DAGLB: variants seen among roughly 807,000 people sequenced by gnomAD.
The protein encoded by DAGLB is diacylglycerol lipase-beta.
DAGLB carries 66 observed loss-of-function variants against 72.1 expected under a neutral mutation model. That is an observed-to-expected ratio of 0.92 (90% CI 0.75 to 1.12). The LOEUF (loss-of-function observed/expected upper bound fraction) is 1.12, where lower values mean the gene tolerates loss of function less well. Among genes scored for constraint, DAGLB ranks in the 50% most tolerant of loss-of-function variants. The pLI, the probability that DAGLB is intolerant of heterozygous loss-of-function variation, is 0.00. For synonymous variants in DAGLB, 414 were observed against 359.5 expected (o/e 1.15, Z -1.71); for missense variants, 1,065 against 884.9 (o/e 1.20, Z -2.58).
At chr7:6,426,350 A>G (rs1784309536) in intron 6 of DAGLB, among the ~76,000 whole-genome samples, 1 of 152,048 alleles carries the variant, frequency 6.6e-6, no homozygotes, top group South Asian at 2.1e-4. Context: ...GGTCACCGCA[A>G]CCTCCGCCTC....
At position 6,447,947 on chromosome 7, in the gene DAGLB, G is replaced by C. The variant is rs1186541954; in HGVS notation, c.-105C>G. On this transcript the variant is annotated 5_prime_UTR_variant, in exon 1 of 15. Coordinates refer to ENST00000297056, the MANE Select transcript of DAGLB (RefSeq NM_139179.4). ...GCCACCAAATTATCGGCGCTCAAGC[G>C]CAAACGCAGCGAGGGCGGGGACCTG... The C allele has an allele frequency of 6.9e-7, 1 of 1,452,992 alleles. No homozygotes were observed. 90.0% of individuals were successfully genotyped at this position (1,452,992 alleles called of 1,614,324 possible). A position where few individuals can be genotyped will look rare whatever the true frequency, so the allele number is the denominator to read the frequency against.
In DAGLB at chr7:6,410,163, A is replaced by G. The variant is rs139753251; in HGVS notation, c.1787T>C (p.Ile596Thr). 12,732 of 1,580,808 alleles carry G rather than the reference A, an allele frequency of 8.1e-3. 87 individuals carry two copies. Among genetic ancestry groups the G allele is most frequent in the Non-Finnish European group, 9.1e-3 (10,553 of 1,160,484 alleles). Residue 596 changes from isoleucine to threonine, a missense_variant, in exon 14 of 15, where the codon ATC (isoleucine) becomes ACC (threonine). By Grantham distance (89) the Ile-to-Thr change is moderately conservative. Coordinates refer to ENST00000297056, the MANE Select transcript of DAGLB (RefSeq NM_139179.4). ...KYPPLYPPGRIIHLQEEGASG... is the reference protein window; with the variant it reads ...KYPPLYPPGRTIHLQEEGASG... ...GGCGCCCTCCTCCTGCAGGTGGATG[A>G]TCCTGCCGGGAGGGTAGAGAGGGGG... is the stretch of plus-strand genomic sequence containing the variant.
At chr7:6,430,690 C>T in intron 5 of DAGLB, 83 bp from the exon 6 acceptor site, 3 of 1,352,554 alleles carry the variant, frequency 2.2e-6, no homozygotes, top group South Asian at 3.9e-5. Flanking sequence ...GAAACCTGAA[C>T]TCATTCCTGA....
intron 5 of DAGLB, among the ~76,000 whole-genome samples, chr7:6,432,171 C>T (rs1286927370): frequency 6.6e-6 from 1 of 151,682 alleles, no homozygotes; most frequent in Non-Finnish European, 1.5e-5. Flanking sequence ...GCCAACATGG[C>T]AAAACCCCAT....
chr7:6,444,082 T>C (rs991086201), intron 2 of DAGLB, among the ~76,000 whole-genome samples: 16 of 151,986 alleles, frequency 1.1e-4, no homozygotes, highest in Non-Finnish European at 1.3e-4. Context: ...GTCTAAGCTA[T>C]ATAGCAAGAC....
At chr7:6,439,799 C>A (rs976591776) in intron 2 of DAGLB, among the ~76,000 whole-genome samples, 2 of 152,062 alleles carry the variant, frequency 1.3e-5, no homozygotes, top group Non-Finnish European at 2.9e-5. Context: ...TACCTATAAT[C>A]CGAGCAATTT....
intron 11 of DAGLB, among the ~76,000 whole-genome samples, chr7:6,413,290 T>C (rs1783795251): frequency 6.6e-6 from 1 of 152,142 alleles, no homozygotes; most frequent in African/African-American, 2.4e-5. Context: ...ACCAAGCACA[T>C]GGATCTGTCC....
chr7:6,444,421 G>A lies in DAGLB; in HGVS notation c.247+1532C>T, dbSNP rs536205345. On this transcript the variant is annotated intron_variant, in intron 2 of 14. Transcript: ENST00000297056. ...GATCGAGACAAGCCTGACCAACATGGTAAAACCGCATCTCTACTAAAAATA... is the reference window on the plus strand; with the variant it reads ...GATCGAGACAAGCCTGACCAACATGATAAAACCGCATCTCTACTAAAAATA... Among the ~76,000 whole-genome samples the A allele has an allele frequency of 2.0e-5, 3 of 152,194 alleles. No homozygotes were observed. In the East Asian group the frequency reaches 5.8e-4, roughly 29 times the overall value.
At chr7:6,419,087 T>G (rs946135683) in intron 9 of DAGLB, among the ~76,000 whole-genome samples, 22 of 149,978 alleles carry the variant, frequency 1.5e-4, no homozygotes, top group African/African-American at 5.4e-4. Context: ...CTTCCTTTTT[T>G]TTTTTTTTTT....
intron 2 of DAGLB, among the ~76,000 whole-genome samples, chr7:6,437,153 C>CAAAAAAAA (rs1388685419): frequency 6.7e-5 from 7 of 104,872 alleles, no homozygotes; most frequent in Non-Finnish European, 1.1e-4. Flanking sequence ...GACTCCGTCT[C>CAAAAAAAA]AAAATAATAA....
At position 6,434,412 on chromosome 7, in the gene DAGLB, T is replaced by C. The variant is rs1258947931; in HGVS notation, c.678+350A>G. ...ACTATCTGATTCCAACCTCGATTCA[T>C]GCCACTGCCTGTGCTTGGTATCTGC... On this transcript the variant is annotated intron_variant, in intron 4 of 14. Transcript: ENST00000297056. Among the ~76,000 whole-genome samples, 4 of 152,208 alleles carry C rather than the reference T, an allele frequency of 2.6e-5. No homozygotes were observed. The East Asian group carries it at 5.8e-4, about 22-fold the overall frequency.
At chr7:6,430,771 A>C (rs1484908099) in intron 5 of DAGLB, among the ~76,000 whole-genome samples, 164 bp from the exon 6 acceptor site, 4 of 151,826 alleles carry the variant, frequency 2.6e-5, no homozygotes, top group Non-Finnish European at 5.9e-5. Context: ...AATAAGGATG[A>C]CATGGACTCC....
At chr7:6,439,234 G>A (rs1051677877) in intron 2 of DAGLB, among the ~76,000 whole-genome samples, 5 of 148,660 alleles carry the variant, frequency 3.4e-5, no homozygotes, top group Non-Finnish European at 5.9e-5. Context: ...CAGCCTGGGC[G>A]ACAGAGTGAG....
intron 8 of DAGLB, among the ~76,000 whole-genome samples, chr7:6,424,265 G>C (rs567016724): frequency 6.6e-6 from 1 of 152,340 alleles, no homozygotes; most frequent in Admixed American, 6.5e-5. Context: ...ATGGGCTGGG[G>C]ATGGATGTCG....
intron 13 of DAGLB, among the ~76,000 whole-genome samples, chr7:6,411,782 C>G (rs1027509715): frequency 6.6e-6 from 1 of 152,172 alleles, no homozygotes; most frequent in African/African-American, 2.4e-5. Flanking sequence ...CCTTGGCATA[C>G]GTATTTTCAA....
chr7:6,447,438 C>T lies in DAGLB; in HGVS notation c.95+310G>A, dbSNP rs546749109. ...TGCCGGCGGTAACACCCTCGTGGCACCCCAGGGCCAGGTCTCGGCGCTGCA... is the reference window on the plus strand; with the variant it reads ...TGCCGGCGGTAACACCCTCGTGGCATCCCAGGGCCAGGTCTCGGCGCTGCA... On this transcript the variant is annotated intron_variant, in intron 1 of 14. Transcript: ENST00000297056. Among the ~76,000 whole-genome samples the T allele has an allele frequency of 2.0e-3, 304 of 152,310 alleles. 2 individuals are homozygous for T. The highest frequency in any genetic ancestry group is 7.0e-3 in the African/African-American group (292 of 41,574).
chr7:6,443,697 A>G (rs1484916593), intron 2 of DAGLB, among the ~76,000 whole-genome samples: 2 of 152,240 alleles, frequency 1.3e-5, no homozygotes, highest in East Asian at 3.9e-4. Context: ...AGCGCCTCCC[A>G]GTGCACCTCA....
At chr7:6,429,276 A>C (rs961276006) in intron 6 of DAGLB, among the ~76,000 whole-genome samples, 8 of 152,052 alleles carry the variant, frequency 5.3e-5, no homozygotes, top group African/African-American at 1.7e-4. Context: ...ACATAAATCT[A>C]ATCATGGGGA....
At chr7:6,429,767 G>A (rs549880197) in intron 6 of DAGLB, among the ~76,000 whole-genome samples, 13 of 152,146 alleles carry the variant, frequency 8.5e-5, no homozygotes, top group Admixed American at 3.3e-4. Flanking sequence ...GGGTGTGGCC[G>A]GGCGTGGTGG....
Sources: allele counts gnomAD v4.1 joint callset (sites outside exome capture counted in the v4.1 genomes callset), GRCh38; gene constraint gnomAD v4.1.1; transcripts MANE v1.5; gene names NCBI Gene and HGNC (gene_info 2026-07-23, HGNC 2026-07-21).